PDZD8: variants seen among roughly 807,000 people sequenced by gnomAD.
PDZD8 encodes PDZ domain-containing protein 8.
PDZD8 carries 14 observed loss-of-function variants against 85.8 expected under a neutral mutation model. The ratio of observed to expected loss-of-function variants is 0.16; its 90% CI spans 0.11 to 0.26. The LOEUF is 0.26. PDZD8 is among the 10% of genes least tolerant of loss of function. The pLI, the probability that PDZD8 is intolerant of heterozygous loss-of-function variation, is 1.00. For missense variants in PDZD8, 1,197 were observed against 1,424.3 expected (o/e 0.84, Z 2.57); for synonymous variants, 592 against 568.6 (o/e 1.04, Z -0.59).
At chr10:117,317,199 T>C (rs1443426762) in intron 3 of PDZD8, among the ~76,000 whole-genome samples, 1 of 152,196 alleles carries the variant, frequency 6.6e-6, no homozygotes, top group Non-Finnish European at 1.5e-5. Context: ...CAACATTAAA[T>C]ACTGTTTAAA....
chr10:117,346,221 G>A lies in PDZD8; in HGVS notation c.873-5119C>T, dbSNP rs866931935. Among the ~76,000 whole-genome samples, 26 of 108,596 alleles carry A rather than the reference G, an allele frequency of 2.4e-4. 1 individual carries two copies. The East Asian group carries it at 4.1e-3, about 17-fold the overall frequency. 71.2% of individuals were successfully genotyped at this position (108,596 alleles called of 152,430 possible). On this transcript the variant is annotated intron_variant, in intron 1 of 4. Transcript: ENST00000334464. ...GCACTCCAGCCTAGGCAACAAGAGC[G>A]AAACTCCGTCCAAAAAAAAAAAAAA...
At chr10:117,325,184 A>T (rs979394047) in intron 2 of PDZD8, among the ~76,000 whole-genome samples, 1 of 152,026 alleles carries the variant, frequency 6.6e-6, no homozygotes, top group Non-Finnish European at 1.5e-5. Flanking sequence ...ACAACAGCCC[A>T]GCCGGTGGTC....
At chr10:117,322,067 C>T (rs1349596643) in intron 2 of PDZD8, among the ~76,000 whole-genome samples, 3 of 152,208 alleles carry the variant, frequency 2.0e-5, no homozygotes, top group Middle Eastern at 3.4e-3. Context: ...GTTACTGATT[C>T]GTTCAATTGT....
At chr10:117,357,766 C>CAAAAAAAAAAAAAA (rs767138640) in intron 1 of PDZD8, among the ~76,000 whole-genome samples, 4 of 47,464 alleles carry the variant, frequency 8.4e-5, no homozygotes, top group African/African-American at 1.8e-4. Context: ...ACTTCATCTC[C>CAAAAAAAAAAAAAA]AAAAAAAAAA....
chr10:117,319,985 C>T (rs1844202028), intron 2 of PDZD8, among the ~76,000 whole-genome samples: 1 of 152,002 alleles, frequency 6.6e-6, no homozygotes, highest in African/African-American at 2.4e-5. Context: ...AGGTTAAAGA[C>T]CTCAAGCAAA....
At chr10:117,340,595 G>A (rs545611889) in intron 2 of PDZD8, among the ~76,000 whole-genome samples, 2 of 152,152 alleles carry the variant, frequency 1.3e-5, no homozygotes, top group Admixed American at 6.5e-5. Context: ...CACTGCAGTG[G>A]CTGCTATACT....
chr10:117,346,379 TC>T (rs1844709902), intron 1 of PDZD8, among the ~76,000 whole-genome samples: 2 of 152,118 alleles, frequency 1.3e-5, no homozygotes, highest in Non-Finnish European at 2.9e-5. Context: ...TGATTGAATT[TC>T]CTCCTCAGCC....
intron 1 of PDZD8, 90 bp from the exon 2 acceptor site, chr10:117,341,192 C>G: frequency 7.5e-7 from 1 of 1,341,206 alleles, no homozygotes; most frequent in East Asian, 2.4e-5. Flanking sequence ...AAACACAAAG[C>G]AAAATGAACA....
In PDZD8 at chr10:117,278,100, A is replaced by C. The variant is rs2133751405; in HGVS notation, c.*5168T>G. Reference sequence around the variant, plus strand: ...TACCTTATACTGTCAAGGTTGTTTAAACATGATAAGGTTAATCGCCATCTA... The same window carrying C: ...TACCTTATACTGTCAAGGTTGTTTACACATGATAAGGTTAATCGCCATCTA... On this transcript the variant is annotated 3_prime_UTR_variant, in exon 5 of 5. Coordinates refer to ENST00000334464, the MANE Select transcript of PDZD8 (RefSeq NM_173791.5). 6.6e-6 allele frequency: 1 copy of C among 152,326 alleles called. No individual in the cohort carries two copies. Among genetic ancestry groups the C allele is most frequent in the Middle Eastern group, 3.4e-3 (1 of 294 alleles). 9.4% of individuals were successfully genotyped at this position (152,326 alleles called of 1,614,324 possible). A position where few individuals can be genotyped will look rare whatever the true frequency, so the allele number is the denominator to read the frequency against.
intron 1 of PDZD8, among the ~76,000 whole-genome samples, chr10:117,353,668 T>G (rs1468151328): frequency 2.8e-5 from 4 of 143,294 alleles, no homozygotes; most frequent in Admixed American, 7.7e-5. Context: ...TAAATTTTGT[T>G]CAAAATAATC....
intron 3 of PDZD8, among the ~76,000 whole-genome samples, chr10:117,306,759 A>G (rs1011219661): frequency 1.3e-5 from 2 of 152,052 alleles, no homozygotes; most frequent in Non-Finnish European, 2.9e-5. Flanking sequence ...AAGAATTCCC[A>G]TTTATCCTAA....
intron 1 of PDZD8, among the ~76,000 whole-genome samples, chr10:117,358,306 C>T (rs1033324177): frequency 5.9e-5 from 9 of 152,100 alleles, no homozygotes; most frequent in African/African-American, 2.2e-4. Context: ...GGATAATATG[C>T]ATATAAAAGT....
At chr10:117,347,001 T>C (rs1158703116) in intron 1 of PDZD8, among the ~76,000 whole-genome samples, 3 of 152,094 alleles carry the variant, frequency 2.0e-5, no homozygotes, top group Non-Finnish European at 4.4e-5. Context: ...CTACCCACTT[T>C]CTTAGCATGA....
At chr10:117,338,096 T>C (rs1844548676) in intron 2 of PDZD8, among the ~76,000 whole-genome samples, 1 of 152,036 alleles carries the variant, frequency 6.6e-6, no homozygotes, top group Admixed American at 6.5e-5. Flanking sequence ...TCCTATAAAC[T>C]TAAAATCTAC....
chr10:117,303,584 T>C (rs1431063829), intron 3 of PDZD8, among the ~76,000 whole-genome samples: 1 of 152,166 alleles, frequency 6.6e-6, no homozygotes, highest in Non-Finnish European at 1.5e-5. Flanking sequence ...ATGGGGAAAA[T>C]GTCTCCAGGC....
chr10:117,284,382 A>C lies in PDZD8; in HGVS notation c.2351T>G (p.Phe784Cys). ...GTGAATAGTAATGTCACCATAGCAAAATTTGTCATTGAATCCCTTTTGCAT... is the reference window on the plus strand; with the variant it reads ...GTGAATAGTAATGTCACCATAGCAACATTTGTCATTGAATCCCTTTTGCAT... ...LSMQKGFNDK[F>C]CYGDITIHFK... The change falls in exon 5 of 5, where the codon TTT (phenylalanine) becomes TGT (cysteine). Residue 784 changes from phenylalanine to cysteine, a missense_variant. This residue lies in a region of PDZD8 where 418 missense variants were observed against 571.1 expected (regional missense o/e 0.73). Transcript: ENST00000334464. 1 of 1,614,130 alleles carries C rather than the reference A, an allele frequency of 6.2e-7. No individual in the cohort carries two copies. Among genetic ancestry groups the C allele is most frequent in the Non-Finnish European group, 8.5e-7 (1 of 1,180,024 alleles).
At chr10:117,342,484 T>G (rs1167419632) in intron 1 of PDZD8, among the ~76,000 whole-genome samples, 1 of 152,052 alleles carries the variant, frequency 6.6e-6, no homozygotes, top group Non-Finnish European at 1.5e-5. Context: ...TGTTCCTTTT[T>G]TATTTTTTCT....
At chr10:117,333,046 T>C (rs1181483517) in intron 2 of PDZD8, among the ~76,000 whole-genome samples, 10 of 140,480 alleles carry the variant, frequency 7.1e-5, no homozygotes, top group South Asian at 4.5e-4. Context: ...TTGAACTTGG[T>C]AGGCATAGGT....
At chr10:117,369,297 T>A (rs567715642) in intron 1 of PDZD8, among the ~76,000 whole-genome samples, 45 of 151,908 alleles carry the variant, frequency 3.0e-4, no homozygotes, top group Non-Finnish European at 5.1e-4. Flanking sequence ...TAACTGGAAT[T>A]ACAGGCATGT....
Sources: gnomAD v4.1 joint callset for allele counts (sites outside exome capture counted in the v4.1 genomes callset) on GRCh38, gnomAD v4.1.1 for gene constraint, gnomAD v4.1.1 regional missense constraint, MANE v1.5 for transcripts, NCBI Gene and HGNC (gene_info 2026-07-23, HGNC 2026-07-21) for gene names.